The following EGFLAM variants were observed in gnomAD, a reference collection of about 807,000 sequenced individuals.
EGFLAM encodes EGF like, fibronectin type III and laminin G domains, also known as pikachurin.
A neutral mutation model predicts 113.1 loss-of-function variants in EGFLAM; 79 were observed. The ratio of observed to expected loss-of-function variants is 0.70; its 90% CI spans 0.58 to 0.84. The LOEUF (loss-of-function observed/expected upper bound fraction) is 0.84, where lower values mean the gene tolerates loss of function less well. EGFLAM is among the 40% of genes least tolerant of loss of function. EGFLAM has a pLI of 0.00. For synonymous variants in EGFLAM, 504 were observed against 487.6 expected (o/e 1.03, Z -0.44); for missense variants, 1,265 against 1,291.6 (o/e 0.98, Z 0.32).
intron 9 of EGFLAM, 77 bp from the exon 10 acceptor site, chr5:38,408,927 T>G: frequency 6.5e-6 from 8 of 1,233,514 alleles, no homozygotes; most frequent in Non-Finnish European, 9.3e-6. Context: ...AAGTTTCACA[T>G]TTGTGTCTTT....
chr5:38,428,195 T>A (rs925534697), intron 14 of EGFLAM, among the ~76,000 whole-genome samples: 5 of 152,242 alleles, frequency 3.3e-5, no homozygotes, highest in Non-Finnish European at 7.3e-5. Flanking sequence ...TATTGCAAAC[T>A]GTTTTCAATC....
At chr5:38,348,710 C>T (rs907577789) in intron 3 of EGFLAM, among the ~76,000 whole-genome samples, 2 of 151,862 alleles carry the variant, frequency 1.3e-5, no homozygotes, top group African/African-American at 4.8e-5. Context: ...GCTAGGGGTG[C>T]AGGTATGGTA....
At position 38,464,753 on chromosome 5, in the gene EGFLAM, C is replaced by T. The variant is rs1743412952; in HGVS notation, c.*767C>T. 1 of 152,300 alleles carries T rather than the reference C, an allele frequency of 6.6e-6. No individual in the cohort carries two copies. Among genetic ancestry groups the T allele is most frequent in the Admixed American group, 6.5e-5 (1 of 15,300 alleles). The allele number at this position is 152,300 out of a possible 1,614,324, so 9.4% of individuals were successfully genotyped here. A position where few individuals can be genotyped will look rare whatever the true frequency, so the allele number is the denominator to read the frequency against. ...GTGGATGACTCTGAATTCTTGCACA[C>T]CTTTCCTAAAAATTTCTCCCAAGAG... On this transcript the variant is annotated 3_prime_UTR_variant, in exon 22 of 22. Transcript: ENST00000322350.
At chr5:38,264,866 C>T (rs552195673) in intron 1 of EGFLAM, among the ~76,000 whole-genome samples, 57 of 152,340 alleles carry the variant, frequency 3.7e-4, no homozygotes, top group South Asian at 1.2e-3. Flanking sequence ...TAGCGCCCCA[C>T]GCAATTCAGG....
chr5:38,285,829 A>T (rs1758147967), intron 1 of EGFLAM: 2 of 152,002 alleles, frequency 1.3e-5, no homozygotes, highest in African/African-American at 4.8e-5. Context: ...TCTCTTGGGG[A>T]CTCACTCATT....
Position 38,409,044 on chromosome 5 carries a change from A to T in EGFLAM, c.1289A>T (p.Asn430Ile). 6.3e-7 allele frequency: 1 copy of T among 1,595,668 alleles called. No homozygotes were observed. The highest frequency in any genetic ancestry group is 8.5e-7 in the Non-Finnish European group (1 of 1,170,018). The change falls in exon 10 of 22, where the codon AAC becomes ATC. Residue 430 changes from asparagine (N) to isoleucine (I), a missense_variant. By Grantham distance (149) the Asn-to-Ile change is moderately radical. Transcript: ENST00000322350. ...GGCTTACTGCTCTACTGTGGGGAGA[A>T]CGAACACGGGAGGGGGGATTTCATG... ...EDGLLLYCGE[N>I]EHGRGDFMSL...
chr5:38,306,737 CT>C (rs1157089748), intron 1 of EGFLAM, among the ~76,000 whole-genome samples: 1 of 152,164 alleles, frequency 6.6e-6, no homozygotes, highest in East Asian at 1.9e-4. Flanking sequence ...GTACCCTCTC[CT>C]TGGACAGGGG....
intron 1 of EGFLAM, among the ~76,000 whole-genome samples, chr5:38,330,978 G>GA (rs1173273362): frequency 3.9e-5 from 6 of 151,924 alleles, no homozygotes; most frequent in Admixed American, 3.3e-4. Context: ...AGATCAGTGA[G>GA]AAAAAAACTA....
At chr5:38,376,651 T>C (rs896656228) in intron 6 of EGFLAM, among the ~76,000 whole-genome samples, 2 of 152,138 alleles carry the variant, frequency 1.3e-5, no homozygotes, top group Non-Finnish European at 2.9e-5. Context: ...CCTCCCTTTC[T>C]CCTTTCAGAT....
At chr5:38,427,289 A>T in intron 14 of EGFLAM, 37 bp downstream of exon 14, 2 of 1,602,318 alleles carry the variant, frequency 1.2e-6, no homozygotes, top group Non-Finnish European at 1.7e-6. Context: ...TTTCCCTTAA[A>T]AAGGCAAATA....
intron 17 of EGFLAM, among the ~76,000 whole-genome samples, chr5:38,442,859 A>T (rs541984519): frequency 3.0e-4 from 45 of 152,350 alleles, no homozygotes; most frequent in African/African-American, 1.1e-3. Flanking sequence ...TCACATGGTC[A>T]TATAAGATGT....
intron 1 of EGFLAM, among the ~76,000 whole-genome samples, chr5:38,268,725 G>T (rs551000052): frequency 1.3e-5 from 2 of 152,316 alleles, no homozygotes; most frequent in South Asian, 2.1e-4. Context: ...ACTTTTACTT[G>T]CTGGAGGCCA....
At chr5:38,296,586 G>A (rs1344389036) in intron 1 of EGFLAM, among the ~76,000 whole-genome samples, 1 of 152,070 alleles carries the variant, frequency 6.6e-6, no homozygotes, top group Non-Finnish European at 1.5e-5. Flanking sequence ...AGATCTACCA[G>A]TGGATGACAA....
rs757058312 is a variant in EGFLAM, at chr5:38,406,827, G to A, written c.829-1G>A. On this transcript the variant is annotated splice_acceptor_variant, in intron 7 of 21. Coordinates refer to ENST00000322350, the MANE Select transcript of EGFLAM (RefSeq NM_152403.4). LOFTEE classifies it high-confidence loss of function. ...GAACCCCTTTCCTTCTCTGGCTTTA[G>A]GTTAAACCACTTCCTGCTACCAAAG... The A allele has an allele frequency of 1.6e-5, 26 of 1,612,974 alleles. No homozygotes were observed. Among genetic ancestry groups the A allele is most frequent in the Non-Finnish European group, 2.1e-5 (25 of 1,179,390 alleles).
At chr5:38,425,592 T>C (rs1036781703) in intron 13 of EGFLAM, among the ~76,000 whole-genome samples, 1 of 152,220 alleles carries the variant, frequency 6.6e-6, no homozygotes, top group African/African-American at 2.4e-5. Context: ...TGCCAAAATT[T>C]GTTTGGTAAT....
intron 6 of EGFLAM, chr5:38,402,049 A>G (rs910836115): frequency 1.3e-5 from 2 of 152,158 alleles, no homozygotes; most frequent in African/African-American, 4.8e-5. Flanking sequence ...CTCTGTCTCC[A>G]TAGAATGCAT....
At chr5:38,330,052 T>C (rs2111922079) in intron 1 of EGFLAM, among the ~76,000 whole-genome samples, 1 of 152,304 alleles carries the variant, frequency 6.6e-6, no homozygotes, top group Middle Eastern at 3.4e-3. Flanking sequence ...CACATTACAA[T>C]TCACGCTTTT....
chr5:38,308,260 C>T (rs1004925715), intron 1 of EGFLAM, among the ~76,000 whole-genome samples: 2 of 152,232 alleles, frequency 1.3e-5, no homozygotes, highest in African/African-American at 4.8e-5. Context: ...TACTCTTGTC[C>T]CTTTTGTTAC....
intron 6 of EGFLAM, among the ~76,000 whole-genome samples, chr5:38,398,800 T>A (rs1284349585): frequency 6.6e-6 from 1 of 152,184 alleles, no homozygotes; most frequent in Non-Finnish European, 1.5e-5. Flanking sequence ...ACCAACCAAT[T>A]CTTGAACATT....
Sources: gnomAD v4.1 joint callset for allele counts (sites outside exome capture counted in the v4.1 genomes callset) on GRCh38, gnomAD v4.1.1 for gene constraint, MANE v1.5 for transcripts, NCBI Gene and HGNC (gene_info 2026-07-23, HGNC 2026-07-21) for gene names.